Variants in LY75 observed in about 807,000 individuals in gnomAD.
LY75 encodes C-type lectin domain family 13 member B.
Under a neutral mutation model 231.7 loss-of-function variants are expected in LY75, and 185 were observed. That is an observed-to-expected ratio of 0.80 (90% CI 0.71 to 0.90). The LOEUF is 0.90. Ranked by LOEUF, LY75 falls within the 40% of genes least tolerant of loss-of-function variation. The pLI is 0.00. For synonymous variants in LY75, 668 were observed against 689.0 expected (o/e 0.97, Z 0.48); for missense variants, 1,947 against 2,050.2 (o/e 0.95, Z 0.97).
intron 28 of LY75, among the ~76,000 whole-genome samples, chr2:159,824,040 C>T (rs1310700742): frequency 6.6e-6 from 1 of 152,150 alleles, no homozygotes; most frequent in Non-Finnish European, 1.5e-5. Context: ...ACTGCATCAA[C>T]TAACATGCAA....
At chr2:159,880,958 C>G in intron 8 of LY75, 125 bp downstream of exon 8, 1 of 1,223,906 alleles carries the variant, frequency 8.2e-7, no homozygotes, top group South Asian at 1.6e-5. Context: ...GGCTCTGTAC[C>G]CTGATCCAGA....
intron 16 of LY75, among the ~76,000 whole-genome samples, chr2:159,856,873 C>T (rs1684562906): frequency 1.3e-5 from 2 of 152,016 alleles, no homozygotes; most frequent in African/African-American, 2.4e-5. Context: ...TAAGGTTGCC[C>T]TTGTTTAAAC....
chr2:159,895,099 G>A (rs953316593), intron 2 of LY75, among the ~76,000 whole-genome samples: 1 of 152,190 alleles, frequency 6.6e-6, no homozygotes, highest in Non-Finnish European at 1.5e-5. Flanking sequence ...GCTTAAAAGT[G>A]TGCTTAAGAC....
At chr2:159,840,509 C>T (rs116763601) in intron 25 of LY75, among the ~76,000 whole-genome samples, 3,120 of 151,830 alleles carry the variant, frequency 0.021, 50 homozygotes, top group African/African-American at 0.042. Context: ...GAGGTCAAGG[C>T]TGCAGTGAAG....
chr2:159,892,453 G>A (rs1404694784), intron 3 of LY75, among the ~76,000 whole-genome samples: 2 of 152,160 alleles, frequency 1.3e-5, no homozygotes, highest in Non-Finnish European at 2.9e-5. Context: ...GTGATCATCT[G>A]TAAAATGGGG....
At chr2:159,853,719 C>T in intron 18 of LY75, 22 bp from the exon 19 acceptor site, 1 of 1,612,920 alleles carries the variant, frequency 6.2e-7, no homozygotes, top group Non-Finnish European at 8.5e-7. Flanking sequence ...GCCAAACATC[C>T]ATCCTTATAT....
chr2:159,904,111 G>T (rs1686162212), intron 1 of LY75, among the ~76,000 whole-genome samples: 3 of 147,910 alleles, frequency 2.0e-5, no homozygotes, highest in Admixed American at 2.0e-4. Flanking sequence ...TAGGCGCAGT[G>T]AAATCCGGGA....
rs867259807 is a variant in LY75, at chr2:159,872,524, C to CA, written c.2043dup (p.Gly682TrpfsTer6). ...TGGCTGAAGCTAGAAAGGTGTGCTC[C>CA]AAGGGCTTGGCAGAATCGTTCAGCT... On this transcript the variant is annotated frameshift_variant, in exon 13 of 35. Coordinates refer to ENST00000263636, the MANE Select transcript of LY75 (RefSeq NM_002349.4). LOFTEE classifies it high-confidence loss of function. 1 of 1,613,856 alleles carries CA rather than the reference C, an allele frequency of 6.2e-7. No homozygotes were observed. Among genetic ancestry groups the CA allele is most frequent in the African/African-American group, 1.3e-5 (1 of 74,904 alleles).
chr2:159,829,481 A>C (rs922508281), intron 28 of LY75, among the ~76,000 whole-genome samples: 5 of 152,082 alleles, frequency 3.3e-5, no homozygotes, highest in African/African-American at 1.2e-4. Context: ...AAAATCAAAA[A>C]TGTTTAAAAA....
chr2:159,867,755 C>A (rs979132975), intron 13 of LY75, among the ~76,000 whole-genome samples: 3 of 152,184 alleles, frequency 2.0e-5, no homozygotes, highest in Non-Finnish European at 4.4e-5. Context: ...TACACAGCAG[C>A]AATGGCATTG....
intron 28 of LY75, 55 bp downstream of exon 28, chr2:159,831,615 A>G: frequency 6.4e-7 from 1 of 1,565,028 alleles, no homozygotes; most frequent in Non-Finnish European, 8.7e-7. Context: ...CTTGATAATT[A>G]TGTTATAATG....
At chr2:159,881,295 G>A (rs889400298) in intron 7 of LY75, 55 bp from the exon 8 acceptor site, 1 of 1,523,572 alleles carries the variant, frequency 6.6e-7, no homozygotes, top group Non-Finnish European at 8.8e-7. Context: ...ACTGTAATAT[G>A]TACATTGTTA....
Position 159,819,899 on chromosome 2 carries a change from T to C in LY75, c.3980A>G (p.Asp1327Gly), listed in dbSNP as rs371866063. The stretch of plus-strand genomic sequence containing the variant: ...ATGTGTATATGACAGTGGGGTCTTA[T>C]CAAACCACATAAGAGACTTATCTAG... ...TYRNKSLMWFDKTPLSYTHWR... is the reference protein window; with the variant it reads ...TYRNKSLMWFGKTPLSYTHWR... Residue 1327 changes from aspartate (D) to glycine (G), a missense_variant, in exon 29 of 35, where the codon GAT (aspartate) becomes GGT (glycine). Coordinates refer to ENST00000263636, the MANE Select transcript of LY75 (RefSeq NM_002349.4). 18 of 1,604,206 alleles carry C rather than the reference T, an allele frequency of 1.1e-5. No individual in the cohort carries two copies. In the African/African-American group the frequency reaches 2.2e-4, roughly 19 times the overall value.
In LY75 at chr2:159,878,621, T is replaced by G. The variant is rs1685343927; in HGVS notation, c.1604+12A>C. The G allele has an allele frequency of 2.5e-6, 4 of 1,613,886 alleles. No individual in the cohort carries two copies. The highest frequency in any genetic ancestry group is 2.5e-6 in the Non-Finnish European group (3 of 1,179,948). On this transcript the variant is annotated intron_variant, in intron 10 of 34. Transcript: ENST00000263636. ...TGAAAGTTTATGAGTACAAGTTTAC[T>G]GATGGTCACACCTGCTAGTGATAGT...
intron 13 of LY75, among the ~76,000 whole-genome samples, chr2:159,871,638 T>C (rs1685015036): frequency 6.6e-6 from 1 of 152,122 alleles, no homozygotes; most frequent in African/African-American, 2.4e-5. Flanking sequence ...TTGGACTTTA[T>C]TATTATTGAA....
intron 2 of LY75, 140 bp from the exon 3 acceptor site, chr2:159,894,224 T>TG (rs1175381574): frequency 2.8e-6 from 3 of 1,086,724 alleles, no homozygotes; most frequent in Non-Finnish European, 3.8e-6. Context: ...GCATGGGTGC[T>TG]GTCAGGTCTG....
Position 159,864,831 on chromosome 2 carries a change from T to C in LY75, c.2199+8A>G. ...CATACTACCTAAAACAATAACGTTT[T>C]AACTTACTGGTGTACGATCACTCCA... On this transcript the variant is annotated splice_region_variant and intron_variant, in intron 14 of 34. Transcript: ENST00000263636. 6.3e-7 allele frequency: 1 copy of C among 1,574,872 alleles called. No individual in the cohort carries two copies. The highest frequency in any genetic ancestry group is 8.6e-7 in the Non-Finnish European group (1 of 1,163,118).
intron 25 of LY75, among the ~76,000 whole-genome samples, chr2:159,840,155 C>G (rs112575292): frequency 3.9e-5 from 6 of 152,162 alleles, no homozygotes; most frequent in African/African-American, 1.4e-4. Context: ...TCTAGCTCGT[C>G]TTTGATTAGA....
intron 30 of LY75, among the ~76,000 whole-genome samples, chr2:159,816,262 T>C (rs530676987): frequency 3.9e-5 from 6 of 152,342 alleles, no homozygotes; most frequent in African/African-American, 1.4e-4. Flanking sequence ...ATGTCTTTAC[T>C]AGCAGAATTA....
Sources: allele counts gnomAD v4.1 joint callset (sites outside exome capture counted in the v4.1 genomes callset), GRCh38; gene constraint gnomAD v4.1.1; transcripts MANE v1.5; gene names NCBI Gene and HGNC (gene_info 2026-07-23, HGNC 2026-07-21).